The following SOX5 variants were observed in gnomAD, a reference collection of about 807,000 sequenced individuals.
SOX5 encodes the protein transcription factor SOX-5.
A neutral mutation model predicts 92.0 loss-of-function variants in SOX5; 9 were observed. That is an observed-to-expected ratio of 0.10 (90% CI 0.06 to 0.17). The LOEUF (loss-of-function observed/expected upper bound fraction) is 0.17. Ranked by LOEUF, SOX5 falls within the 10% of genes least tolerant of loss-of-function variation. The pLI, the probability that SOX5 is intolerant of heterozygous loss-of-function variation, is 1.00. For synonymous variants in SOX5, 344 were observed against 336.3 expected, an observed-to-expected ratio of 1.02 and a Z score of -0.25; for missense variants, 642 against 944.5, an observed-to-expected ratio of 0.68 and a Z score of 4.20.
At chr12:24,345,698 C>T (rs1378270725) in intron 2 of SOX5, among the ~76,000 whole-genome samples, 1 of 151,844 alleles carries the variant, frequency 6.6e-6, no homozygotes, top group African/African-American at 2.4e-5. Flanking sequence ...AGCATTCATC[C>T]TTAAACCTAA....
intron 1 of SOX5, among the ~76,000 whole-genome samples, chr12:24,465,431 A>G (rs1011157649): frequency 3.3e-5 from 5 of 152,252 alleles, no homozygotes; most frequent in Admixed American, 3.3e-4. Flanking sequence ...TCATTCAATC[A>G]GCCATTTTAT....
chr12:23,734,816 T>C (rs1384286690), intron 5 of SOX5, 64 bp from the exon 6 acceptor site: 1 of 1,331,740 alleles, frequency 7.5e-7, no homozygotes, highest in African/African-American at 1.5e-5. Context: ...AAGTTACTAA[T>C]GTTCTGTTTC....
At chr12:23,769,978 T>G (rs2094871512) in intron 3 of SOX5, among the ~76,000 whole-genome samples, 1 of 151,766 alleles carries the variant, frequency 6.6e-6, no homozygotes, top group Non-Finnish European at 1.5e-5. Flanking sequence ...GGGTGTATTT[T>G]CCATTAAAGG....
chr12:23,563,467 C>CA, intron 10 of SOX5, 64 bp from the exon 11 acceptor site: 2 of 1,471,636 alleles, frequency 1.4e-6, no homozygotes, highest in Non-Finnish European at 1.9e-6. Flanking sequence ...AGCGTTTAAC[C>CA]ATAAAAATCA....
Position 24,197,346 on chromosome 12 carries a change from C to G in SOX5, c.-2+15997G>C, listed in dbSNP as rs531411537. 4.6e-5 allele frequency among the ~76,000 whole-genome samples: 7 copies of G among 152,208 alleles called. No homozygotes were observed. In the East Asian group the frequency reaches 1.2e-3, roughly 25 times the overall value. On this transcript the variant is annotated intron_variant, in intron 4 of 4. Coordinates refer to the SOX5 transcript ENST00000446891. ...GCCTATATGTGTGTATTCTAATAAG[C>G]TTAACTGTGAAGGAAACCCTAGACA...
Position 24,200,267 on chromosome 12 carries a change from C to CAGAGG in SOX5, c.-2+13075_-2+13076insCCTCT. Among the ~76,000 whole-genome samples, 3 of 152,290 alleles carry CAGAGG rather than the reference C, an allele frequency of 2.0e-5. 1 individual carries two copies. The South Asian group carries it at 6.2e-4, about 32-fold the overall frequency. On this transcript the variant is annotated intron_variant, in intron 4 of 4. Transcript: ENST00000446891. The stretch of plus-strand genomic sequence containing the variant: ...ATTTAACCTCTCTGAGCTTCAGTTC[C>CAGAGG]TTGTCCACAAAAGCAGTGACTTAGA...
chr12:23,961,772 A>G (rs374029013), intron 4 of SOX5, among the ~76,000 whole-genome samples: 1 of 152,212 alleles, frequency 6.6e-6, no homozygotes, highest in Non-Finnish European at 1.5e-5. Context: ...TCTTTACCAG[A>G]AGAAAAAATC....
intron 3 of SOX5, among the ~76,000 whole-genome samples, chr12:24,255,042 G>A (rs1201930487): frequency 5.3e-5 from 8 of 152,034 alleles, no homozygotes; most frequent in African/African-American, 1.2e-4. Flanking sequence ...CAAAAAGAAC[G>A]GTACTGCCCT....
chr12:23,682,956 C>T (rs1252370624), intron 6 of SOX5, among the ~76,000 whole-genome samples: 1 of 151,736 alleles, frequency 6.6e-6, no homozygotes, highest in Non-Finnish European at 1.5e-5. Flanking sequence ...TTCTTGAGCA[C>T]TTTTGAAAGG....
intron 8 of SOX5, among the ~76,000 whole-genome samples, chr12:23,606,413 G>A (rs1210773494): frequency 8.6e-5 from 13 of 151,346 alleles, no homozygotes; most frequent in Admixed American, 3.9e-4. Flanking sequence ...TTACTGATTC[G>A]TTATACACTA....
chr12:23,799,647 A>C (rs2095626796), intron 3 of SOX5, among the ~76,000 whole-genome samples: 1 of 152,074 alleles, frequency 6.6e-6, no homozygotes, highest in Non-Finnish European at 1.5e-5. Context: ...TAAAATGCTT[A>C]TTTCACAATA....
At chr12:24,368,826 A>G (rs1956422780) in intron 1 of SOX5, among the ~76,000 whole-genome samples, 2 of 152,204 alleles carry the variant, frequency 1.3e-5, no homozygotes, top group Admixed American at 1.3e-4. Flanking sequence ...ACTTTATTCT[A>G]AAAACTCCAT....
rs550640185 is a variant in SOX5, at chr12:24,385,500, C to T, written c.-250-16861G>A. 9.9e-4 allele frequency among the ~76,000 whole-genome samples: 150 copies of T among 152,182 alleles called. 1 individual carries two copies. The highest frequency in any genetic ancestry group is 3.5e-3 in the African/African-American group (144 of 41,504). On this transcript the variant is annotated intron_variant, in intron 1 of 4. Transcript: ENST00000446891. ...TTGTATGTCGGGAGCATCTGATACACGACTAGAGTTAAGATAATCCAGAGA... is the reference window on the plus strand; with the variant it reads ...TTGTATGTCGGGAGCATCTGATACATGACTAGAGTTAAGATAATCCAGAGA...
chr12:23,625,897 G>A (rs2077720586), intron 8 of SOX5, among the ~76,000 whole-genome samples: 2 of 152,168 alleles, frequency 1.3e-5, no homozygotes, highest in Admixed American at 6.5e-5. Context: ...ATGAGCCACC[G>A]CGCCCGGCCT....
chr12:24,505,948 G>A (rs547056363), intron 1 of SOX5, among the ~76,000 whole-genome samples: 6 of 151,824 alleles, frequency 4.0e-5, no homozygotes, highest in Admixed American at 6.6e-5. Flanking sequence ...TGAACACCTC[G>A]CATTATGAAT....
At chr12:24,370,851 C>T (rs529271533) in intron 1 of SOX5, among the ~76,000 whole-genome samples, 1 of 152,232 alleles carries the variant, frequency 6.6e-6, no homozygotes, top group South Asian at 2.1e-4. Flanking sequence ...TCACATATTC[C>T]TTGTATTTCT....
At chr12:23,606,557 G>A (rs1281209545) in intron 8 of SOX5, among the ~76,000 whole-genome samples, 2 of 151,712 alleles carry the variant, frequency 1.3e-5, no homozygotes, top group Non-Finnish European at 2.9e-5. Context: ...GGTTATTTGT[G>A]TTATTTAGAT....
chr12:23,896,037 A>G lies in SOX5; in HGVS notation c.39-13T>C, dbSNP rs1319205924. 11 of 1,552,846 alleles carry G rather than the reference A, an allele frequency of 7.1e-6. No homozygotes were observed. The highest frequency in any genetic ancestry group is 2.7e-5 in the African/African-American group (2 of 73,504). On this transcript the variant is annotated splice_polypyrimidine_tract_variant and intron_variant, in intron 1 of 14. Coordinates refer to ENST00000451604, the MANE Select transcript of SOX5 (RefSeq NM_006940.6). Reference sequence around the variant, plus strand: ...CTTGGAAGACATCCTGGAAGGAACAAAAGAGGAGAAAATAATGAAACCTCC... The same window carrying G: ...CTTGGAAGACATCCTGGAAGGAACAGAAGAGGAGAAAATAATGAAACCTCC...
intron 9 of SOX5, among the ~76,000 whole-genome samples, chr12:23,596,592 T>C (rs1952497305): frequency 6.6e-6 from 1 of 151,648 alleles, no homozygotes; most frequent in African/African-American, 2.4e-5. Context: ...TAAAAAGGAG[T>C]TGATTATTGA....
Sources: gnomAD v4.1 joint callset for allele counts (sites outside exome capture counted in the v4.1 genomes callset) on GRCh38, gnomAD v4.1.1 for gene constraint, MANE v1.5 for transcripts, NCBI Gene and HGNC (gene_info 2026-07-23, HGNC 2026-07-21) for gene names.